ABCC10: variants seen among roughly 807,000 people sequenced by gnomAD.
ABCC10 encodes the protein ATP binding cassette subfamily C member 10.
ABCC10 carries 110 observed loss-of-function variants against 143.2 expected under a neutral mutation model. The ratio of observed to expected loss-of-function variants is 0.77; its 90% CI spans 0.66 to 0.90. The LOEUF (loss-of-function observed/expected upper bound fraction) is 0.90. ABCC10 is among the 40% of genes least tolerant of loss of function. The pLI is 0.00. For missense variants in ABCC10, 1,700 were observed against 1,900.5 expected, an observed-to-expected ratio of 0.89 and a Z score of 1.96; for synonymous variants, 805 against 846.7, an observed-to-expected ratio of 0.95 and a Z score of 0.85.
chr6:43,445,311 T>C lies in ABCC10; in HGVS notation c.3027T>C (p.Leu1009=), dbSNP rs760735847. Residue 1009 remains leucine, a synonymous_variant, in exon 14 of 22, where the codon CTT becomes CTC. Transcript: ENST00000372530. Reference sequence around the variant, plus strand: ...ATCGCCGCCTGCTGCATCGAGTCCTTATGGTGAGGGGCTGGGACCTCGGGG... The same window carrying C: ...ATCGCCGCCTGCTGCATCGAGTCCTCATGGTGAGGGGCTGGGACCTCGGGG... ...TLHRRLLHRV[L]MAPVTFFNAT... The C allele has an allele frequency of 3.1e-6, 5 of 1,612,962 alleles. No homozygotes were observed. The highest frequency in any genetic ancestry group is 4.2e-6 in the Non-Finnish European group (5 of 1,179,554).
chr6:43,431,872 A>AG (rs1781174443), intron 2 of ABCC10: 4 of 1,301,756 alleles, frequency 3.1e-6, no homozygotes, highest in Non-Finnish European at 3.9e-6. Context: ...TTAAAAAAAA[A>AG]CATGAATCAG....
At chr6:43,438,055 T>C (rs948798856) in intron 7 of ABCC10, 42 bp downstream of exon 7, 2 of 1,582,096 alleles carry the variant, frequency 1.3e-6, no homozygotes, top group Non-Finnish European at 1.7e-6. Flanking sequence ...CTTTGTCCTT[T>C]AGCAAACACT....
chr6:43,428,759 G>A (rs1015104270), intron 2 of ABCC10, among the ~76,000 whole-genome samples: 1 of 152,216 alleles, frequency 6.6e-6, no homozygotes, highest in Admixed American at 6.5e-5. Flanking sequence ...CTGCCGAGAA[G>A]ATAGGAGGAC....
chr6:43,443,840 GA>G lies in ABCC10; in HGVS notation c.2417-92del. On this transcript the variant is annotated intron_variant, in intron 10 of 21. Transcript: ENST00000372530. The surrounding 1 kb of genome is among the most constrained non-coding windows in gnomAD (Gnocchi z 4.2). ...TAGGGTGGGTTAGACGGGGAGGCCT[GA>G]GAGGATGAGAGGTGGGATCTGCACA... 7.6e-7 allele frequency: 1 copy of G among 1,315,848 alleles called. No homozygotes were observed. The highest frequency in any genetic ancestry group is 1.2e-5 in the South Asian group (1 of 84,246). 81.5% of individuals were successfully genotyped at this position (1,315,848 alleles called of 1,614,324 possible). A position where few individuals can be genotyped will look rare whatever the true frequency, so the allele number is the denominator to read the frequency against.
At position 43,450,251 on chromosome 6, in the gene ABCC10, C is replaced by T. The variant is rs746338344; in HGVS notation, c.*160C>T. ...CCTGGATTACTCTTTGGAAATCACTCCTTGGTGGGCAGCATCCTGAGGCTT... is the reference window on the plus strand; with the variant it reads ...CCTGGATTACTCTTTGGAAATCACTTCTTGGTGGGCAGCATCCTGAGGCTT... On this transcript the variant is annotated 3_prime_UTR_variant, in exon 22 of 22. Coordinates refer to ENST00000372530, the MANE Select transcript of ABCC10 (RefSeq NM_001198934.2). This position sits in a 1 kb window ranked among gnomAD's most constrained non-coding sequence, Gnocchi z 4.5. The T allele has an allele frequency of 2.8e-5, 27 of 972,912 alleles. No homozygotes were observed. The highest frequency in any genetic ancestry group is 3.7e-5 in the Non-Finnish European group (25 of 677,976). The allele number at this position is 972,912 out of a possible 1,614,324, so 60.3% of individuals were successfully genotyped here.
intron 1 of ABCC10, 41 bp from the exon 2 acceptor site, chr6:43,427,927 C>T (rs780732377): frequency 6.8e-6 from 11 of 1,606,328 alleles, no homozygotes; most frequent in South Asian, 1.1e-5. Context: ...GCAAAGCCGG[C>T]TGTTACCCTG....
downstream of ABCC10, chr6:43,450,629 C>T: frequency 1.9e-6 from 3 of 1,612,592 alleles, no homozygotes; most frequent in Non-Finnish European, 2.5e-6. This position sits in a 1 kb window ranked among gnomAD's most constrained non-coding sequence, Gnocchi z 4.5. Context: ...ACTCCTGGTC[C>T]TGGCACGCTG....
downstream of ABCC10, chr6:43,451,106 G>C (rs1783705160): frequency 6.2e-7 from 1 of 1,614,232 alleles, no homozygotes; most frequent in African/African-American, 1.3e-5. The surrounding 1 kb of genome is among the most constrained non-coding windows in gnomAD (Gnocchi z 4.4). Flanking sequence ...GGCAGGAGAA[G>C]CGGTTTATGC....
rs1783473679 is a variant in ABCC10 at position 43,449,195 on chromosome 6, A to T, written c.4194A>T (p.Thr1398=). The stretch of plus-strand genomic sequence containing the variant: ...TGTGTTTGGCCAGGGCTCTCCTCAC[A>T]GATGCCAAGGTAAGGTGAGAGAAAG... ...QLLCLARALL[T]DAKILCIDEA... is the part of the protein sequence containing the mutation. The change falls in exon 20 of 22, where the codon ACA becomes ACT. Residue 1398 remains threonine, a synonymous_variant. Coordinates refer to ENST00000372530, the MANE Select transcript of ABCC10 (RefSeq NM_001198934.2). The T allele has an allele frequency of 6.2e-7, 1 of 1,613,864 alleles. No homozygotes were observed. The highest frequency in any genetic ancestry group is 8.5e-7 in the Non-Finnish European group (1 of 1,179,930).
At position 43,445,829 on chromosome 6, in the gene ABCC10, C is replaced by A; in HGVS notation, c.3261C>A (p.Ala1087=). Residue 1087 remains alanine (A), a synonymous_variant, in exon 15 of 22, where the codon GCC becomes GCA. Coordinates refer to ENST00000372530, the MANE Select transcript of ABCC10 (RefSeq NM_001198934.2). The part of the protein sequence containing the change: ...MYYHVQRHYR[A]SSRELRRLGS... ...ATCACGTGCAGCGCCACTACAGGGC[C>A]TCCTCACGGGAGCTGCGGCGCCTGG... is the stretch of plus-strand genomic sequence containing the variant. 6.2e-7 allele frequency: 1 copy of A among 1,614,146 alleles called. No individual in the cohort carries two copies. Among genetic ancestry groups the A allele is most frequent in the Middle Eastern group, 1.6e-4 (1 of 6,062 alleles).
rs6919343 is a variant in ABCC10 at position 43,450,277 on chromosome 6, C to T, written c.*186C>T. The T allele has an allele frequency of 3.7e-3, 3,289 of 893,446 alleles. 64 individuals carry two copies. The African/African-American group carries it at 0.047, about 13-fold the overall frequency. The allele number at this position is 893,446 out of a possible 1,614,324, so 55.3% of individuals were successfully genotyped here. On this transcript the variant is annotated 3_prime_UTR_variant, in exon 22 of 22. Coordinates refer to ENST00000372530, the MANE Select transcript of ABCC10 (RefSeq NM_001198934.2). The surrounding 1 kb of genome is among the most constrained non-coding windows in gnomAD (Gnocchi z 4.5). ...CTTGGTGGGCAGCATCCTGAGGCTTCCCCAGAACCAGGCCTCTGCTCTGGC... is the reference window on the plus strand; with the variant it reads ...CTTGGTGGGCAGCATCCTGAGGCTTTCCCAGAACCAGGCCTCTGCTCTGGC...
intron 12 of ABCC10, among the ~76,000 whole-genome samples, 178 bp from the exon 13 acceptor site, chr6:43,444,610 G>A (rs1466597349): frequency 6.6e-6 from 1 of 152,180 alleles, no homozygotes; most frequent in South Asian, 2.1e-4. Context: ...AAGGGTGACG[G>A]GCCTATGAGA....
intron 18 of ABCC10, 72 bp from the exon 19 acceptor site, chr6:43,448,809 T>C: frequency 6.5e-7 from 1 of 1,527,694 alleles, no homozygotes; most frequent in Non-Finnish European, 8.8e-7. Flanking sequence ...GCTAGCCCTG[T>C]AGTCAGAAAC....
intron 4 of ABCC10, 50 bp downstream of exon 4, chr6:43,434,898 T>C (rs770914682): frequency 6.3e-7 from 1 of 1,577,454 alleles, no homozygotes; most frequent in East Asian, 2.2e-5. Context: ...TTCAGCGAAG[T>C]GAAGACAGAG....
chr6:43,435,704 G>C (rs1269061799), intron 4 of ABCC10, 47 bp from the exon 5 acceptor site: 10 of 1,596,908 alleles, frequency 6.3e-6, no homozygotes, highest in Non-Finnish European at 8.6e-6. Flanking sequence ...ATAGAAACAG[G>C]CCCTTAGATA....
chr6:43,447,214 A>G (rs1378292323), intron 16 of ABCC10, 34 bp from the exon 17 acceptor site: 14 of 1,601,202 alleles, frequency 8.7e-6, no homozygotes, highest in East Asian at 4.5e-5. Flanking sequence ...CCGGTGTCCA[A>G]GCTCTCCCAG....
At position 43,436,165 on chromosome 6, in the gene ABCC10, T is replaced by TGGAGC; in HGVS notation, c.1794_1798dup (p.Leu600ArgfsTer26). On this transcript the variant is annotated frameshift_variant, in exon 6 of 22. Coordinates refer to ENST00000372530, the MANE Select transcript of ABCC10 (RefSeq NM_001198934.2). LOFTEE classifies it high-confidence loss of function. Reference sequence around the variant, plus strand: ...CCCCCTGCAGAGCCATCTACAGTATTGGAGCTGCATGGAGCCTTGTTCTCC... The same window carrying TGGAGC: ...CCCCCTGCAGAGCCATCTACAGTATTGGAGCGGAGCTGCATGGAGCCTTGTTCTCC... 6.2e-7 allele frequency: 1 copy of TGGAGC among 1,614,184 alleles called. No homozygotes were observed. Among genetic ancestry groups the TGGAGC allele is most frequent in the Non-Finnish European group, 8.5e-7 (1 of 1,180,020 alleles).
chr6:43,434,515 A>C (rs1781476033), intron 3 of ABCC10, 106 bp from the exon 4 acceptor site: 1 of 998,590 alleles, frequency 1.0e-6, no homozygotes. Context: ...AGTATCTGGG[A>C]GCTTAGAGTA....
Position 43,443,251 on chromosome 6 carries a change from T to C in ABCC10, c.2416+92T>C. The C allele has an allele frequency of 7.6e-7, 1 of 1,314,594 alleles. No homozygotes were observed. The highest frequency in any genetic ancestry group is 1.0e-6 in the Non-Finnish European group (1 of 993,670). 81.4% of individuals were successfully genotyped at this position (1,314,594 alleles called of 1,614,324 possible). On this transcript the variant is annotated intron_variant, in intron 10 of 21. Transcript: ENST00000372530. This position sits in a 1 kb window ranked among gnomAD's most constrained non-coding sequence, Gnocchi z 4.2. Reference sequence around the variant, plus strand: ...CAGACTCTGCCCCCTGCTGCATGTGTGCCCTGAGCCAGTCATTGCTGCCTC... The same window carrying C: ...CAGACTCTGCCCCCTGCTGCATGTGCGCCCTGAGCCAGTCATTGCTGCCTC...
Sources: allele counts gnomAD v4.1 joint callset (sites outside exome capture counted in the v4.1 genomes callset), GRCh38; gene constraint gnomAD v4.1.1; non-coding constraint Gnocchi (gnomAD v3.1); transcripts MANE v1.5; gene names NCBI Gene and HGNC (gene_info 2026-07-23, HGNC 2026-07-21).